Variants in PIEZO2 observed in about 807,000 individuals in gnomAD.
PIEZO2 encodes piezo-type mechanosensitive ion channel component 2.
PIEZO2 carries 172 observed loss-of-function variants against 337.3 expected under a neutral mutation model. The ratio of observed to expected loss-of-function variants is 0.51; its 90% CI spans 0.45 to 0.58. The LOEUF (loss-of-function observed/expected upper bound fraction) is 0.58, where lower values mean the gene tolerates loss of function less well. PIEZO2 is among the 20% of genes least tolerant of loss of function. The pLI, the probability that PIEZO2 is intolerant of heterozygous loss-of-function variation, is 0.00. For synonymous variants in PIEZO2, 1,251 were observed against 1,228.5 expected (o/e 1.02, Z -0.38); for missense variants, 3,028 against 3,391.3 (o/e 0.89, Z 2.66).
intron 9 of PIEZO2, 113 bp downstream of exon 9, chr18:10,803,762 T>G: frequency 7.4e-7 from 1 of 1,343,726 alleles, no homozygotes; most frequent in Non-Finnish European, 9.8e-7. Context: ...TTCTATAAAC[T>G]ACAAGCAACC....
At position 11,135,038 on chromosome 18, in the gene PIEZO2, C is replaced by CA. The variant is rs5823137; in HGVS notation, c.64+13486dup. Among the ~76,000 whole-genome samples, 1,273 of 137,898 alleles carry CA rather than the reference C, an allele frequency of 9.2e-3. 18 individuals are homozygous for CA. Among genetic ancestry groups the CA allele is most frequent in the African/African-American group, 0.032 (1,147 of 35,814 alleles). 90.5% of individuals were successfully genotyped at this position (137,898 alleles called of 152,430 possible). On this transcript the variant is annotated intron_variant, in intron 1 of 55. Coordinates refer to ENST00000674853, the MANE Select transcript of PIEZO2 (RefSeq NM_001378183.1). The stretch of plus-strand genomic sequence containing the variant: ...AAGGGGAAAGAAGAAATTAAGTAAG[C>CA]AAAAAAAAAAAAAAATTTTTTTTCT...
intron 3 of PIEZO2, among the ~76,000 whole-genome samples, chr18:10,967,911 A>G (rs560390315): frequency 1.3e-5 from 2 of 151,468 alleles, no homozygotes; most frequent in South Asian, 2.1e-4. Flanking sequence ...TCTGCTGATT[A>G]TTATTATTAT....
At chr18:11,144,808 T>C (rs1229779950) in intron 1 of PIEZO2, among the ~76,000 whole-genome samples, 2 of 152,200 alleles carry the variant, frequency 1.3e-5, no homozygotes, top group African/African-American at 4.8e-5. Context: ...TAATCCCCTG[T>C]TCCCCCAAGC....
At chr18:10,992,077 G>T (rs942711849) in intron 2 of PIEZO2, among the ~76,000 whole-genome samples, 1 of 152,066 alleles carries the variant, frequency 6.6e-6, no homozygotes, top group African/African-American at 2.4e-5. Context: ...TGATGGTGTT[G>T]TTTGTTTTTT....
intron 3 of PIEZO2, among the ~76,000 whole-genome samples, chr18:10,924,196 A>G (rs750448168): frequency 1.3e-5 from 2 of 152,212 alleles, no homozygotes; most frequent in African/African-American, 2.4e-5. Context: ...GTGAGTTAAA[A>G]TGAACATAAA....
chr18:10,842,995 C>T (rs983996148), intron 7 of PIEZO2, among the ~76,000 whole-genome samples: 13 of 152,118 alleles, frequency 8.5e-5, no homozygotes, highest in African/African-American at 3.1e-4. Context: ...CTACTTGGAG[C>T]TAAAAAGCAG....
At position 10,827,093 on chromosome 18, in the gene PIEZO2, A is replaced by G. The variant is rs185836306; in HGVS notation, c.918-19819T>C. On this transcript the variant is annotated intron_variant, in intron 7 of 55. Transcript: ENST00000674853. ...GATATATATTTATGCATAAATATAT[A>G]GAAAAATGTTTGAAGGGATACCTAT... Among the ~76,000 whole-genome samples the G allele has an allele frequency of 2.2e-3, 328 of 152,342 alleles. 1 individual carries two copies. Among genetic ancestry groups the G allele is most frequent in the African/African-American group, 7.2e-3 (300 of 41,586 alleles).
intron 2 of PIEZO2, among the ~76,000 whole-genome samples, chr18:10,997,533 A>T (rs570611947): frequency 1.3e-5 from 2 of 152,328 alleles, no homozygotes; most frequent in East Asian, 3.9e-4. Flanking sequence ...GTTGAAATAA[A>T]TATAAAGATA....
chr18:10,768,671 TCA>T (rs2038467258), intron 21 of PIEZO2, among the ~76,000 whole-genome samples: 1 of 152,196 alleles, frequency 6.6e-6, no homozygotes, highest in Admixed American at 6.5e-5. Context: ...AATGTGTGAA[TCA>T]CAGAGAAGGG....
At chr18:10,865,885 G>T (rs1197899438) in intron 5 of PIEZO2, among the ~76,000 whole-genome samples, 3 of 152,148 alleles carry the variant, frequency 2.0e-5, no homozygotes, top group Admixed American at 2.0e-4. Flanking sequence ...CAGGGGCTCT[G>T]CAATTGCCTC....
chr18:10,944,888 AG>A (rs1027385939), intron 3 of PIEZO2, among the ~76,000 whole-genome samples: 6 of 152,022 alleles, frequency 3.9e-5, no homozygotes, highest in South Asian at 4.2e-4. Context: ...CTAAGGGGGG[AG>A]AAAAAGAAGC....
In PIEZO2 at chr18:10,697,763, G is replaced by C. The variant is rs2035159325; in HGVS notation, c.6812C>G (p.Ala2271Gly). Residue 2271 changes from alanine to glycine, a missense_variant, in exon 45 of 56, where the codon GCC becomes GGC. Ala to Gly is a moderately conservative substitution (Grantham distance 60). Coordinates refer to ENST00000674853, the MANE Select transcript of PIEZO2 (RefSeq NM_001378183.1). The part of the protein sequence containing the change: ...KLQEHLIKAK[A>G]FTIKKTLEIY... ...ATGGACTCACTTCTTTATGGTAAAG[G>C]CTTTTGCTTTGATTAAATGTTCTTG... The C allele has an allele frequency of 6.2e-7, 1 of 1,613,888 alleles. No individual in the cohort carries two copies.
At position 10,716,602 on chromosome 18, in the gene PIEZO2, C is replaced by T. The variant is rs193017230; in HGVS notation, c.5090-786G>A. 1.6e-4 allele frequency among the ~76,000 whole-genome samples: 25 copies of T among 151,716 alleles called. No homozygotes were observed. The highest frequency in any genetic ancestry group is 2.9e-4 in the African/African-American group (12 of 41,048). ...CTGCTTGAAGCTGAATGAAGTGAGT[C>T]GCTGTGGCCGCTGAACAGGAGATGC... On this transcript the variant is annotated intron_variant, in intron 37 of 55. Coordinates refer to ENST00000674853, the MANE Select transcript of PIEZO2 (RefSeq NM_001378183.1). The surrounding 1 kb of genome is among the most constrained non-coding windows in gnomAD (Gnocchi z 4.1).
Position 10,781,200 on chromosome 18 carries a change from G to A in PIEZO2, c.2493-834C>T, listed in dbSNP as rs1033894282. Among the ~76,000 whole-genome samples, 3 of 152,046 alleles carry A rather than the reference G, an allele frequency of 2.0e-5. No homozygotes were observed. Among genetic ancestry groups the A allele is most frequent in the Non-Finnish European group, 2.9e-5 (2 of 68,020 alleles). On this transcript the variant is annotated intron_variant, in intron 17 of 55. Transcript: ENST00000674853. This position sits in a 1 kb window ranked among gnomAD's most constrained non-coding sequence, Gnocchi z 4.1. ...AAAGTAATGAATATGGCCGGGTGTG[G>A]TGGCTCACGCCTGTAATCCCAGCAC...
At chr18:10,765,078 T>G (rs2038295760) in intron 21 of PIEZO2, among the ~76,000 whole-genome samples, 1 of 152,232 alleles carries the variant, frequency 6.6e-6, no homozygotes, top group Admixed American at 6.5e-5. Context: ...TAACTTTCAT[T>G]AAGTCTTAAC....
At chr18:10,843,908 A>G (rs1329361454) in intron 7 of PIEZO2, among the ~76,000 whole-genome samples, 1 of 152,176 alleles carries the variant, frequency 6.6e-6, no homozygotes, top group African/African-American at 2.4e-5. Flanking sequence ...GAGCTTCCAA[A>G]CCTCTATGTG....
chr18:10,859,505 G>C lies in PIEZO2; in HGVS notation c.493-2294C>G, dbSNP rs2041816434. ...TGCATCCCATCTGCTCAGGACACCA[G>C]GGAGAGAACAGCCCAGCCATCCTGG... On this transcript the variant is annotated intron_variant, in intron 5 of 55. Coordinates refer to ENST00000674853, the MANE Select transcript of PIEZO2 (RefSeq NM_001378183.1). This position sits in a 1 kb window ranked among gnomAD's most constrained non-coding sequence, Gnocchi z 4.9. Among the ~76,000 whole-genome samples the C allele has an allele frequency of 6.6e-6, 1 of 152,214 alleles. No individual in the cohort carries two copies. Among genetic ancestry groups the C allele is most frequent in the Admixed American group, 6.5e-5 (1 of 15,284 alleles).
At chr18:10,944,498 T>C (rs2032905398) in intron 3 of PIEZO2, among the ~76,000 whole-genome samples, 1 of 26,318 alleles carries the variant, frequency 3.8e-5, no homozygotes, top group African/African-American at 1.7e-4. Context: ...CATATATATA[T>C]ATATATATCT....
At chr18:10,917,046 G>A (rs1230099185) in intron 3 of PIEZO2, among the ~76,000 whole-genome samples, 1 of 152,054 alleles carries the variant, frequency 6.6e-6, no homozygotes, top group Non-Finnish European at 1.5e-5. Context: ...TTCCATCCAG[G>A]CCCTGAGAAT....
Sources: allele counts gnomAD v4.1 joint callset (sites outside exome capture counted in the v4.1 genomes callset), GRCh38; gene constraint gnomAD v4.1.1; non-coding constraint Gnocchi (gnomAD v3.1); transcripts MANE v1.5; gene names NCBI Gene and HGNC (gene_info 2026-07-23, HGNC 2026-07-21).